Variants in LINGO2 observed in about 807,000 individuals in gnomAD.
LINGO2 encodes the protein leucine rich repeat and Ig domain containing 2, also known as leucine-rich repeat and immunoglobulin-like domain-containing nogo receptor-interacting protein 2.
LINGO2 carries 14 observed loss-of-function variants against 30.6 expected under a neutral mutation model. The observed-to-expected ratio is 0.46, with a 90% CI of 0.30 to 0.72. LINGO2 has a LOEUF of 0.72. Among genes scored for constraint, LINGO2 ranks in the 30% least tolerant of loss-of-function variants. The probability of loss-of-function intolerance (pLI) is 0.07; values close to 1 mark genes in which losing one functional copy is unlikely to be tolerated. For synonymous variants in LINGO2, 317 were observed against 288.5 expected, an observed-to-expected ratio of 1.10 and a Z score of -1.00; for missense variants, 729 against 751.7, an observed-to-expected ratio of 0.97 and a Z score of 0.35.
intron 4 of LINGO2, among the ~76,000 whole-genome samples, chr9:28,160,771 T>C (rs948199001): frequency 1.3e-5 from 2 of 152,236 alleles, no homozygotes; most frequent in Non-Finnish European, 2.9e-5. Flanking sequence ...AAATAGTTTC[T>C]AGATAAATGA....
At chr9:29,024,820 C>T in the LINGO2 span, among the ~76,000 whole-genome samples, 1 of 152,066 alleles carries the variant, frequency 6.6e-6, no homozygotes, top group East Asian at 1.9e-4. Flanking sequence ...ACAGTAAATC[C>T]ACTTTGACAA....
chr9:28,796,307 T>A, the LINGO2 span, among the ~76,000 whole-genome samples: 1 of 152,120 alleles, frequency 6.6e-6, no homozygotes. Context: ...TTGATACACA[T>A]AATCATTTGC....
the LINGO2 span, among the ~76,000 whole-genome samples, chr9:28,867,601 T>G: frequency 6.6e-6 from 1 of 152,114 alleles, no homozygotes; most frequent in African/African-American, 2.4e-5. Context: ...AAAGAAAAAC[T>G]TTCATTATCA....
intron 4 of LINGO2, among the ~76,000 whole-genome samples, chr9:28,187,582 G>C (rs1325354106): frequency 6.6e-6 from 1 of 151,988 alleles, no homozygotes; most frequent in Non-Finnish European, 1.5e-5. Flanking sequence ...CAATGAAGAA[G>C]AAGACTGTAG....
At chr9:28,291,327 G>C (rs1038194200) in intron 4 of LINGO2, among the ~76,000 whole-genome samples, 2 of 152,102 alleles carry the variant, frequency 1.3e-5, no homozygotes, top group African/African-American at 4.8e-5. Flanking sequence ...AAAGAGCTGG[G>C]CCACTCTCAT....
intron 2 of LINGO2, among the ~76,000 whole-genome samples, chr9:28,436,647 C>T (rs994040169): frequency 4.6e-5 from 7 of 151,904 alleles, no homozygotes; most frequent in Non-Finnish European, 8.8e-5. Context: ...TTAGTAGAGA[C>T]GGGGTTTCAC....
the LINGO2 span, among the ~76,000 whole-genome samples, chr9:28,816,165 C>G: frequency 6.6e-6 from 1 of 152,142 alleles, no homozygotes; most frequent in Non-Finnish European, 1.5e-5. Flanking sequence ...AAGGGTGAAG[C>G]CCTCATGATC....
chr9:28,518,491 CAAG>C (rs1820711231), intron 1 of LINGO2, among the ~76,000 whole-genome samples: 1 of 152,096 alleles, frequency 6.6e-6, no homozygotes, highest in African/African-American at 2.4e-5. Flanking sequence ...ATACCAGATC[CAAG>C]AAGGACACTC....
chr9:27,950,791 G>A, intron 5 of LINGO2, 85 bp from the exon 7 acceptor site: 1 of 645,552 alleles, frequency 1.5e-6, no homozygotes, highest in Non-Finnish European at 2.3e-6. Flanking sequence ...GGCAGCAAGT[G>A]TAATGGAAAG....
At chr9:28,784,588 T>C in the LINGO2 span, among the ~76,000 whole-genome samples, 4 of 152,174 alleles carry the variant, frequency 2.6e-5, no homozygotes, top group Non-Finnish European at 5.9e-5. Flanking sequence ...ACAGAAAAAC[T>C]GTCCCTTATT....
chr9:28,048,318 A>G (rs893061538), intron 4 of LINGO2, among the ~76,000 whole-genome samples: 5 of 151,020 alleles, frequency 3.3e-5, no homozygotes, highest in East Asian at 3.9e-4. Flanking sequence ...TTGTAATTAA[A>G]TTTTTTGTAT....
intron 4 of LINGO2, among the ~76,000 whole-genome samples, chr9:28,233,696 A>T: frequency 6.6e-6 from 1 of 152,122 alleles, no homozygotes; most frequent in South Asian, 2.1e-4. Flanking sequence ...CTGTTTAAGG[A>T]GAGGAGAGTG....
the LINGO2 span, among the ~76,000 whole-genome samples, chr9:28,925,200 C>T: frequency 6.6e-6 from 1 of 152,158 alleles, no homozygotes; most frequent in East Asian, 1.9e-4. Flanking sequence ...AATAACCCTT[C>T]CCCAGAGAAA....
At chr9:28,850,334 T>C in the LINGO2 span, among the ~76,000 whole-genome samples, 5 of 151,982 alleles carry the variant, frequency 3.3e-5, no homozygotes, top group Non-Finnish European at 5.9e-5. Flanking sequence ...CGGAGAGATA[T>C]AGCTGAGTCG....
the LINGO2 span, among the ~76,000 whole-genome samples, chr9:29,171,886 A>C: frequency 6.6e-6 from 1 of 151,960 alleles, no homozygotes; most frequent in Non-Finnish European, 1.5e-5. Flanking sequence ...GTCATACTTT[A>C]TTCAAAATAC....
intron 1 of LINGO2, among the ~76,000 whole-genome samples, chr9:28,638,192 G>GCT (rs1306534000): frequency 6.6e-6 from 1 of 151,300 alleles, no homozygotes; most frequent in Admixed American, 6.6e-5. Context: ...TGGTGGATAA[G>GCT]TTTTGATGTG....
chr9:28,500,300 A>C (rs943874241), intron 1 of LINGO2, among the ~76,000 whole-genome samples: 5 of 152,172 alleles, frequency 3.3e-5, no homozygotes, highest in Non-Finnish European at 2.9e-5. Flanking sequence ...TCTCCTTCCT[A>C]ATAACTGACC....
intron 1 of LINGO2, among the ~76,000 whole-genome samples, chr9:28,556,089 A>T (rs1822668601): frequency 1.3e-5 from 2 of 152,046 alleles, no homozygotes; most frequent in Admixed American, 1.3e-4. Context: ...TGGGCACAAG[A>T]CAGGGATGCC....
At position 28,240,990 on chromosome 9, in the gene LINGO2, G is replaced by C. The variant is rs189576980; in HGVS notation, c.-87+54218C>G. On this transcript the variant is annotated intron_variant, in intron 4 of 5. Coordinates refer to ENST00000379992, the Ensembl canonical transcript of LINGO2. The stretch of plus-strand genomic sequence containing the variant: ...AAACAACTCCATAAGAAAAAATCTG[G>C]TCGGGCACAGTGGCTCACGCCTGTA... Among the ~76,000 whole-genome samples, 25 of 152,162 alleles carry C rather than the reference G, an allele frequency of 1.6e-4. No homozygotes were observed. In the East Asian group the frequency reaches 4.8e-3, roughly 29 times the overall value.
Sources: gnomAD v4.1 joint callset for allele counts (sites outside exome capture counted in the v4.1 genomes callset) on GRCh38, gnomAD v4.1.1 for gene constraint, MANE v1.5 for transcripts, NCBI Gene and HGNC (gene_info 2026-07-23, HGNC 2026-07-21) for gene names.